UBXN2B: variants seen among roughly 807,000 people sequenced by gnomAD.
UBXN2B encodes UBX domain-containing protein 2B.
In UBXN2B, 19 loss-of-function variants were observed where a neutral mutation model predicts 37.5. The ratio of observed to expected loss-of-function variants is 0.51; its 90% CI spans 0.35 to 0.74. The LOEUF (loss-of-function observed/expected upper bound fraction) is 0.74, where lower values mean the gene tolerates loss of function less well. Among genes scored for constraint, UBXN2B ranks in the 30% least tolerant of loss-of-function variants. The pLI, the probability that UBXN2B is intolerant of heterozygous loss-of-function variation, is 0.01. For missense variants in UBXN2B, 370 were observed against 393.2 expected, an observed-to-expected ratio of 0.94 and a Z score of 0.50; for synonymous variants, 145 against 143.8, an observed-to-expected ratio of 1.01 and a Z score of -0.06.
At chr8:58,441,680 C>T (rs960604321) in intron 6 of UBXN2B, among the ~76,000 whole-genome samples, 13 of 151,876 alleles carry the variant, frequency 8.6e-5, no homozygotes, top group Admixed American at 5.2e-4. Context: ...ATGAAAATAA[C>T]GATATTATCT....
chr8:58,425,837 A>C (rs1808069038), intron 2 of UBXN2B: 14 of 1,168,636 alleles, frequency 1.2e-5, no homozygotes, highest in Non-Finnish European at 1.7e-5. Flanking sequence ...ATCGTATTTC[A>C]GTTCCTGACA....
intron 6 of UBXN2B, among the ~76,000 whole-genome samples, chr8:58,445,496 T>C (rs1288648058): frequency 6.6e-6 from 1 of 152,198 alleles, no homozygotes; most frequent in Non-Finnish European, 1.5e-5. Context: ...CTTCATAACA[T>C]AGTATTATTC....
rs999153722 is a variant in UBXN2B at position 58,421,163 on chromosome 8, C to A, written c.188+4210C>A. On this transcript the variant is annotated intron_variant, in intron 2 of 7. Transcript: ENST00000399598. ...AATTACCTCTAAAAACAATCTTGAC[C>A]ATTTTCTTGACTGTTTCCCCGAAGC... Among the ~76,000 whole-genome samples the A allele has an allele frequency of 2.6e-4, 40 of 152,188 alleles. 1 individual carries two copies. Among genetic ancestry groups the A allele is most frequent in the African/African-American group, 9.4e-4 (39 of 41,524 alleles).
chr8:58,446,596 A>G (rs572184054), intron 7 of UBXN2B, among the ~76,000 whole-genome samples: 24 of 151,992 alleles, frequency 1.6e-4, no homozygotes, highest in African/African-American at 5.5e-4. Flanking sequence ...GTAAGACCCT[A>G]ATAGATATAT....
chr8:58,427,419 C>T (rs777241609), intron 2 of UBXN2B, among the ~76,000 whole-genome samples: 5 of 152,148 alleles, frequency 3.3e-5, no homozygotes, highest in Non-Finnish European at 5.9e-5. Flanking sequence ...GCCAAGATCA[C>T]GCCACTGCAC....
rs1325361155 is a variant in UBXN2B at position 58,447,568 on chromosome 8, G to A, written c.*17G>A. On this transcript the variant is annotated 3_prime_UTR_variant, in exon 8 of 8. Coordinates refer to ENST00000399598, the MANE Select transcript of UBXN2B (RefSeq NM_001077619.2). The stretch of plus-strand genomic sequence containing the variant: ...CTAAAATAATATTGTTCCTGTCCAT[G>A]CAGTAGCATGTGGGAATAGATGATG... The A allele has an allele frequency of 1.5e-5, 23 of 1,578,506 alleles. No individual in the cohort carries two copies. The highest frequency in any genetic ancestry group is 2.0e-5 in the Non-Finnish European group (23 of 1,158,920).
At chr8:58,426,779 C>G (rs761948980) in intron 2 of UBXN2B, 7 of 618,194 alleles carry the variant, frequency 1.1e-5, no homozygotes, top group East Asian at 6.4e-5. Context: ...GAGGCCCGCT[C>G]GGGACCAGAT....
chr8:58,450,388 A>G lies in UBXN2B; in HGVS notation c.*2837A>G, dbSNP rs1350685235. ...TCTGCTTTACACATAACGGCAGGAC[A>G]CAACTCAGCTTAGCTTTTCGCCACT... On this transcript the variant is annotated 3_prime_UTR_variant, in exon 8 of 8. Transcript: ENST00000399598. 6.6e-6 allele frequency: 1 copy of G among 152,232 alleles called. No homozygotes were observed. The highest frequency in any genetic ancestry group is 1.5e-5 in the Non-Finnish European group (1 of 68,056). 9.4% of individuals were successfully genotyped at this position (152,232 alleles called of 1,614,324 possible). A position where few individuals can be genotyped will look rare whatever the true frequency, so the allele number is the denominator to read the frequency against.
At chr8:58,416,373 A>G (rs773422728) in intron 1 of UBXN2B, among the ~76,000 whole-genome samples, 2 of 152,094 alleles carry the variant, frequency 1.3e-5, no homozygotes, top group Non-Finnish European at 2.9e-5. Context: ...CCTAAACACG[A>G]TGAAATTTAT....
At position 58,434,638 on chromosome 8, in the gene UBXN2B, G is replaced by T. The variant is rs1808367688; in HGVS notation, c.533+134G>T. 19 of 936,340 alleles carry T rather than the reference G, an allele frequency of 2.0e-5. No homozygotes were observed. The South Asian group carries it at 3.6e-4, about 18-fold the overall frequency. 58.0% of individuals were successfully genotyped at this position (936,340 alleles called of 1,614,324 possible). The stretch of plus-strand genomic sequence containing the variant: ...TATATTAAATAAATGGTTGCTGGGG[G>T]TGTAGGTATTCTTAAGTTTATAAAG... On this transcript the variant is annotated intron_variant, in intron 5 of 7. Coordinates refer to ENST00000399598, the MANE Select transcript of UBXN2B (RefSeq NM_001077619.2).
At chr8:58,415,185 A>G (rs1345239295) in intron 1 of UBXN2B, among the ~76,000 whole-genome samples, 1 of 152,082 alleles carries the variant, frequency 6.6e-6, no homozygotes, top group East Asian at 1.9e-4. Context: ...TGCTATGAGT[A>G]TTTAGAAAAA....
rs1323088360 is a variant in UBXN2B, at chr8:58,416,970, T to TG, written c.188+17_188+18insG. ...ACCTCAACGGTAAGTTTTATTTTGT[T>TG]TTGTTGTAAAAAGAAATTATAATCC... On this transcript the variant is annotated intron_variant, in intron 2 of 7. Transcript: ENST00000399598. 6.4e-7 allele frequency: 1 copy of TG among 1,552,780 alleles called. No homozygotes were observed.
chr8:58,435,028 C>T, intron 5 of UBXN2B: 3 of 1,481,438 alleles, frequency 2.0e-6, no homozygotes. Flanking sequence ...TGTAACTTAC[C>T]AGCTCTTCTT....
rs370884848 is a variant in UBXN2B at position 58,417,398 on chromosome 8, C to T, written c.188+445C>T. Among the ~76,000 whole-genome samples the T allele has an allele frequency of 1.1e-4, 16 of 152,266 alleles. 1 individual carries two copies. The South Asian group carries it at 2.9e-3, about 28-fold the overall frequency. On this transcript the variant is annotated intron_variant, in intron 2 of 7. Transcript: ENST00000399598. ...GTTTCTTGAAGCCACTCCATGGAGC[C>T]TCTGCAGGTCTTTTGTCCTCCATTT...
At chr8:58,444,440 C>A (rs1808622265) in intron 6 of UBXN2B, among the ~76,000 whole-genome samples, 1 of 152,118 alleles carries the variant, frequency 6.6e-6, no homozygotes, top group African/African-American at 2.4e-5. Context: ...GGATTGAAAC[C>A]AGGTAATCCA....
intron 2 of UBXN2B, among the ~76,000 whole-genome samples, chr8:58,417,465 G>A (rs1048910583): frequency 1.3e-5 from 2 of 152,096 alleles, no homozygotes; most frequent in African/African-American, 4.8e-5. Flanking sequence ...CTTCCTTTGG[G>A]TGATGATTCC....
At chr8:58,445,358 G>A (rs1808642639) in intron 6 of UBXN2B, among the ~76,000 whole-genome samples, 1 of 152,208 alleles carries the variant, frequency 6.6e-6, no homozygotes, top group Non-Finnish European at 1.5e-5. Context: ...TGAATCAGAT[G>A]TGTTTAAATG....
At chr8:58,435,099 T>G in intron 5 of UBXN2B, 1 of 1,421,496 alleles carries the variant, frequency 7.0e-7, no homozygotes, top group Non-Finnish European at 9.2e-7. Context: ...TGTGTTATGA[T>G]TAAACTAGCT....
intron 6 of UBXN2B, 142 bp downstream of exon 6, chr8:58,439,912 A>G (rs1585616976): frequency 1.6e-6 from 1 of 636,808 alleles, no homozygotes; most frequent in Non-Finnish European, 2.5e-6. Context: ...ATATTATATC[A>G]TAATATTATA....
Sources: allele counts gnomAD v4.1 joint callset (sites outside exome capture counted in the v4.1 genomes callset), GRCh38; gene constraint gnomAD v4.1.1; transcripts MANE v1.5; gene names NCBI Gene and HGNC (gene_info 2026-07-23, HGNC 2026-07-21).